PCDHGB2: variants seen among roughly 807,000 people sequenced by gnomAD.
PCDHGB2 encodes protocadherin gamma subfamily B, 2.
Under a neutral mutation model 59.3 loss-of-function variants are expected in PCDHGB2, and 55 were observed. The ratio of observed to expected loss-of-function variants is 0.93; its 90% CI spans 0.75 to 1.16. The LOEUF is 1.16. Ranked by LOEUF, PCDHGB2 falls within the 50% of genes most tolerant of loss-of-function variation. PCDHGB2 has a pLI of 0.00. For missense variants in PCDHGB2, 1,228 were observed against 1,198.5 expected, an observed-to-expected ratio of 1.02 and a Z score of -0.36; for synonymous variants, 516 against 512.0, an observed-to-expected ratio of 1.01 and a Z score of -0.11.
chr5:141,463,532 T>C (rs1237301892), intron 1 of PCDHGB2, among the ~76,000 whole-genome samples: 2 of 133,692 alleles, frequency 1.5e-5, no homozygotes, highest in Non-Finnish European at 3.1e-5. Flanking sequence ...TACTAGAAAC[T>C]CCGGCTCCCG....
rs750164473 is a variant in PCDHGB2 at position 141,432,286 on chromosome 5, C to G, written c.2422-62521C>G. Reference sequence around the variant, plus strand: ...TATCGTCCTACGTGTCCATCAACTCCGACACTGGGGTACTGTATGCGCTGA... The same window carrying G: ...TATCGTCCTACGTGTCCATCAACTCGGACACTGGGGTACTGTATGCGCTGA... On this transcript the variant is annotated intron_variant, in intron 1 of 3. Transcript: ENST00000522605. This position sits in a 1 kb window ranked among gnomAD's most constrained non-coding sequence, Gnocchi z 6.0. The G allele has an allele frequency of 6.2e-7, 1 of 1,614,252 alleles. No homozygotes were observed. The highest frequency in any genetic ancestry group is 1.3e-5 in the African/African-American group (1 of 75,070).
chr5:141,384,139 A>G (rs1561600498), intron 1 of PCDHGB2: 1 of 1,612,786 alleles, frequency 6.2e-7, no homozygotes. Context: ...GGACCGGGAA[A>G]CACTCTCTTT....
At chr5:141,394,151 C>T in intron 1 of PCDHGB2, 2 of 1,613,900 alleles carry the variant, frequency 1.2e-6, no homozygotes, top group Non-Finnish European at 1.7e-6. Context: ...CAGACATTAA[C>T]GACAACCCTC....
At chr5:141,425,756 A>G (rs1282506394) in intron 1 of PCDHGB2, among the ~76,000 whole-genome samples, 1 of 152,228 alleles carries the variant, frequency 6.6e-6, no homozygotes, top group Non-Finnish European at 1.5e-5. Flanking sequence ...TTTTTGTTCT[A>G]CAACAGGAGA....
chr5:141,395,077 A>G (rs2093162583), intron 1 of PCDHGB2: 3 of 1,614,024 alleles, frequency 1.9e-6, no homozygotes, highest in Non-Finnish European at 2.5e-6. Flanking sequence ...ACCTATTCCC[A>G]GGAAGTCTCC....
chr5:141,371,864 C>T (rs751844207), intron 1 of PCDHGB2: 1 of 1,613,570 alleles, frequency 6.2e-7, no homozygotes, highest in South Asian at 1.1e-5. Context: ...TCTCCTACTA[C>T]ATCGTGGCCA....
chr5:141,413,456 T>C (rs2095643709), intron 1 of PCDHGB2: 30 of 1,613,982 alleles, frequency 1.9e-5, no homozygotes, highest in South Asian at 2.2e-5. Flanking sequence ...GCGGGCAGGA[T>C]AGACCGGGAG....
At chr5:141,494,680 C>A in intron 1 of PCDHGB2, 127 bp from the exon 2 acceptor site, 1 of 1,560,094 alleles carries the variant, frequency 6.4e-7, no homozygotes, top group Non-Finnish European at 8.7e-7. Flanking sequence ...CCACCCCTGC[C>A]CCCTCTTAGT....
chr5:141,425,490 G>T (rs2096878933), intron 1 of PCDHGB2, among the ~76,000 whole-genome samples: 1 of 152,122 alleles, frequency 6.6e-6, no homozygotes, highest in Non-Finnish European at 1.5e-5. Context: ...AACCTACTAG[G>T]CTATACCTTT....
At chr5:141,426,767 A>G (rs1219028777) in intron 1 of PCDHGB2, 1 of 456,548 alleles carries the variant, frequency 2.2e-6, no homozygotes, top group Admixed American at 2.3e-5. Flanking sequence ...ATGCAGATGT[A>G]GGGCCTCACT....
chr5:141,438,733 C>T (rs2098057443), intron 1 of PCDHGB2, among the ~76,000 whole-genome samples: 1 of 149,042 alleles, frequency 6.7e-6, no homozygotes, highest in Non-Finnish European at 1.5e-5. Context: ...GTGATCTCAG[C>T]TCACTGCAAC....
chr5:141,362,148 A>G lies in PCDHGB2; in HGVS notation c.2013A>G (p.Val671=). 2 of 1,613,980 alleles carry G rather than the reference A, an allele frequency of 1.2e-6. No individual in the cohort carries two copies. The highest frequency in any genetic ancestry group is 1.7e-6 in the Non-Finnish European group (2 of 1,179,888). Residue 671 remains valine (V), a synonymous_variant, in exon 1 of 4, where the codon GTA becomes GTG. Coordinates refer to ENST00000522605, the MANE Select transcript of PCDHGB2 (RefSeq NM_018923.3). The part of the protein sequence containing the change: ...HLIFADSLQE[V]LPDLSDRREP... Reference sequence around the variant, plus strand: ...TCTTCGCGGATAGCCTGCAAGAGGTATTGCCAGACCTCAGCGACCGCCGGG... The same window carrying G: ...TCTTCGCGGATAGCCTGCAAGAGGTGTTGCCAGACCTCAGCGACCGCCGGG...
intron 1 of PCDHGB2, among the ~76,000 whole-genome samples, chr5:141,451,606 G>C (rs2098720118): frequency 6.6e-6 from 1 of 152,152 alleles, no homozygotes; most frequent in Non-Finnish European, 1.5e-5. Flanking sequence ...ACAAGGCTAG[G>C]CATGGTGGCT....
intron 1 of PCDHGB2, chr5:141,411,426 A>T (rs115154023): frequency 6.6e-6 from 1 of 151,648 alleles, no homozygotes; most frequent in Non-Finnish European, 1.5e-5. Flanking sequence ...ACAACAACAA[A>T]AAAAAACATT....
chr5:141,448,496 G>A (rs1277705943), intron 1 of PCDHGB2, among the ~76,000 whole-genome samples: 1 of 152,024 alleles, frequency 6.6e-6, no homozygotes, highest in Non-Finnish European at 1.5e-5. Flanking sequence ...GTCCCCTGTA[G>A]GTAAACATTT....
intron 1 of PCDHGB2, chr5:141,409,266 A>G (rs1285539149): frequency 1.1e-5 from 17 of 1,613,922 alleles, no homozygotes; most frequent in Non-Finnish European, 1.4e-5. Flanking sequence ...CTCTCTGATC[A>G]GATTTTGGAG....
rs762337183 is a variant in PCDHGB2, at chr5:141,362,055, G to A, written c.1920G>A (p.Gln640=). The A allele has an allele frequency of 2.5e-6, 4 of 1,611,832 alleles. No homozygotes were observed. The highest frequency in any genetic ancestry group is 3.4e-6 in the Non-Finnish European group (4 of 1,179,658). The change falls in exon 1 of 4, where the codon CAG becomes CAA. Residue 640 remains glutamine, a synonymous_variant. Coordinates refer to ENST00000522605, the MANE Select transcript of PCDHGB2 (RefSeq NM_018923.3). ...RALGDRDAAR[Q]RLLVAVRDGG... ...TGGGCGACAGGGACGCGGCCCGCCA[G>A]CGCCTGCTGGTCGCTGTGCGTGATG... is the stretch of plus-strand genomic sequence containing the variant.
At chr5:141,381,022 G>T (rs1326220507) in intron 1 of PCDHGB2, among the ~76,000 whole-genome samples, 2 of 152,148 alleles carry the variant, frequency 1.3e-5, no homozygotes, top group African/African-American at 4.8e-5. Flanking sequence ...ACCTCTATTA[G>T]TTCCTTTAAA....
chr5:141,368,390 C>T (rs1290377488), intron 1 of PCDHGB2, among the ~76,000 whole-genome samples: 1 of 152,100 alleles, frequency 6.6e-6, no homozygotes, highest in Non-Finnish European at 1.5e-5. Flanking sequence ...CATACACACA[C>T]ACAAACACAC....
Sources: allele counts gnomAD v4.1 joint callset (sites outside exome capture counted in the v4.1 genomes callset), GRCh38; gene constraint gnomAD v4.1.1; non-coding constraint Gnocchi (gnomAD v3.1); transcripts MANE v1.5; gene names NCBI Gene and HGNC (gene_info 2026-07-23, HGNC 2026-07-21).